ACVR1C: variants seen among roughly 807,000 people sequenced by gnomAD.
ACVR1C encodes the protein activin receptor type-1C.
Under a neutral mutation model 57.9 loss-of-function variants are expected in ACVR1C, and 23 were observed. The observed-to-expected ratio is 0.40, with a 90% CI of 0.29 to 0.56. The LOEUF (loss-of-function observed/expected upper bound fraction) is 0.56, where lower values mean the gene tolerates loss of function less well. Ranked by LOEUF, ACVR1C falls within the 20% of genes least tolerant of loss-of-function variation. The pLI is 0.50. For missense variants in ACVR1C, 480 were observed against 607.9 expected (o/e 0.79, Z 2.21); for synonymous variants, 214 against 215.3 (o/e 0.99, Z 0.05).
At chr2:157,598,683 G>C (rs1216799751) in intron 1 of ACVR1C, among the ~76,000 whole-genome samples, 1 of 151,780 alleles carries the variant, frequency 6.6e-6, no homozygotes, top group African/African-American at 2.4e-5. Context: ...GGGATTACAG[G>C]CGCTCACCAC....
chr2:157,590,915 T>A (rs1185039966), intron 1 of ACVR1C, among the ~76,000 whole-genome samples: 1 of 151,980 alleles, frequency 6.6e-6, no homozygotes, highest in Non-Finnish European at 1.5e-5. Context: ...TTTTCTTATA[T>A]GAAAGGCAGG....
intron 5 of ACVR1C, 138 bp from the exon 6 acceptor site, chr2:157,543,000 T>A: frequency 2.6e-6 from 2 of 757,424 alleles, no homozygotes; most frequent in Non-Finnish European, 4.2e-6. Context: ...CTAAATTATC[T>A]TGTTTATTTA....
At chr2:157,563,291 T>G (rs1393866239) in intron 2 of ACVR1C, among the ~76,000 whole-genome samples, 2 of 152,130 alleles carry the variant, frequency 1.3e-5, no homozygotes, top group Non-Finnish European at 2.9e-5. Context: ...AAAATCAATG[T>G]GCAAAAATCA....
intron 8 of ACVR1C, among the ~76,000 whole-genome samples, chr2:157,536,377 A>C (rs1687488464): frequency 6.6e-6 from 1 of 152,228 alleles, no homozygotes; most frequent in African/African-American, 2.4e-5. Flanking sequence ...GAAACTGCAG[A>C]ATGCTGAAGA....
At chr2:157,550,774 G>T (rs914927472) in intron 3 of ACVR1C, among the ~76,000 whole-genome samples, 2 of 148,644 alleles carry the variant, frequency 1.3e-5, no homozygotes, top group East Asian at 2.0e-4. Flanking sequence ...AAAATAAAAT[G>T]TATGGTTCCT....
At position 157,526,784 on chromosome 2, in the gene ACVR1C, T is replaced by C; in HGVS notation, c.*7134A>G. The C allele has an allele frequency of 6.6e-6, 1 of 152,296 alleles. No homozygotes were observed. The highest frequency in any genetic ancestry group is 1.5e-5 in the Non-Finnish European group (1 of 68,016). 9.4% of individuals were successfully genotyped at this position (152,296 alleles called of 1,614,324 possible). ...AACCAAAATACGACACATCTTCCTT[T>C]ATTTAAAATAGAGTTCTATATGCTT... is the stretch of plus-strand genomic sequence containing the variant. On this transcript the variant is annotated 3_prime_UTR_variant, in exon 9 of 9. Transcript: ENST00000243349.
chr2:157,540,777 T>C (rs908413992), intron 7 of ACVR1C, among the ~76,000 whole-genome samples: 15 of 152,208 alleles, frequency 9.9e-5, no homozygotes, highest in Admixed American at 9.8e-4. Flanking sequence ...TTTAACTTAT[T>C]TGGGATATAA....
At chr2:157,587,062 TCAAAAAGAGAACTGTAAA>T in intron 2 of ACVR1C, 107 bp downstream of exon 2, 2 of 914,770 alleles carry the variant, frequency 2.2e-6, no homozygotes, top group South Asian at 3.9e-5. Flanking sequence ...CCAGCCAAAA[TCAAAAAGAGAACTGTAAA>T]ACAGATTTTC....
intron 4 of ACVR1C, 110 bp downstream of exon 4, chr2:157,550,052 A>AG: frequency 1.6e-6 from 1 of 610,002 alleles, no homozygotes; most frequent in Non-Finnish European, 2.8e-6. Context: ...AAAAAAGAAG[A>AG]GGTGAATTTA....
At chr2:157,607,784 T>C (rs1283390314) in intron 1 of ACVR1C, among the ~76,000 whole-genome samples, 1 of 151,778 alleles carries the variant, frequency 6.6e-6, no homozygotes, top group Non-Finnish European at 1.5e-5. Context: ...ATATAAATGC[T>C]ACATATTTCT....
At chr2:157,606,824 C>T (rs1301443575) in intron 1 of ACVR1C, among the ~76,000 whole-genome samples, 9 of 151,754 alleles carry the variant, frequency 5.9e-5, no homozygotes, top group African/African-American at 1.7e-4. Flanking sequence ...AATATAGTCC[C>T]ATTTTTCTAT....
At chr2:157,558,304 C>T (rs1016446113) in intron 2 of ACVR1C, among the ~76,000 whole-genome samples, 3 of 152,156 alleles carry the variant, frequency 2.0e-5, no homozygotes, top group African/African-American at 4.8e-5. Context: ...GCAATGATAA[C>T]GGGCCTTGAT....
intron 2 of ACVR1C, among the ~76,000 whole-genome samples, chr2:157,572,255 T>C (rs868530534): frequency 3.8e-4 from 53 of 139,802 alleles, no homozygotes; most frequent in African/African-American, 1.3e-3. Context: ...TTGGGAGATA[T>C]ACCTAATGCT....
chr2:157,628,700 G>C lies in ACVR1C; in HGVS notation c.-56C>G, dbSNP rs988250663. 2.8e-6 allele frequency: 4 copies of C among 1,411,184 alleles called. No homozygotes were observed. The highest frequency in any genetic ancestry group is 3.7e-6 in the Non-Finnish European group (4 of 1,072,392). 87.4% of individuals were successfully genotyped at this position (1,411,184 alleles called of 1,614,324 possible). On this transcript the variant is annotated 5_prime_UTR_variant, in exon 1 of 9. Transcript: ENST00000243349. ...GGCCCCAGAGCAGAGCGAGGCAGCC[G>C]GGGCAGCACGGCCCGCTTTGAAGTT...
intron 1 of ACVR1C, among the ~76,000 whole-genome samples, chr2:157,601,707 C>A (rs1682286203): frequency 6.6e-6 from 1 of 152,200 alleles, no homozygotes; most frequent in Non-Finnish European, 1.5e-5. Context: ...AAAGATCCTG[C>A]ACTTTGGAAG....
intron 1 of ACVR1C, among the ~76,000 whole-genome samples, chr2:157,611,061 A>G (rs1682520921): frequency 1.3e-5 from 2 of 152,346 alleles, no homozygotes; most frequent in East Asian, 1.9e-4. Flanking sequence ...CTAGAGAATT[A>G]CGTTCCCTTG....
In ACVR1C at chr2:157,528,961, ATACAGGAAT is replaced by A. The variant is rs564677422; in HGVS notation, c.*4948_*4956del. On this transcript the variant is annotated 3_prime_UTR_variant, in exon 9 of 9. Transcript: ENST00000243349. ...GACAGGTTAAACGACAACTAAAGAA[ATACAGGAAT>A]TATAGAGTGACTTGGGATTGATGAG... 3 of 152,308 alleles carry A rather than the reference ATACAGGAAT, an allele frequency of 2.0e-5. No homozygotes were observed. The East Asian group carries it at 5.8e-4, about 29-fold the overall frequency. 9.4% of individuals were successfully genotyped at this position (152,308 alleles called of 1,614,324 possible). A position where few individuals can be genotyped will look rare whatever the true frequency, so the allele number is the denominator to read the frequency against.
intron 2 of ACVR1C, among the ~76,000 whole-genome samples, chr2:157,584,612 A>G (rs1688873439): frequency 6.6e-6 from 1 of 152,252 alleles, no homozygotes; most frequent in South Asian, 2.1e-4. Flanking sequence ...AAGAATATGT[A>G]CTAACTGAAA....
chr2:157,576,835 CTTTTTTTTTTTTTTTT>C (rs1166673398), intron 2 of ACVR1C, among the ~76,000 whole-genome samples: 2 of 41,718 alleles, frequency 4.8e-5, no homozygotes, highest in Admixed American at 2.4e-4. Context: ...TTGAAATTTT[CTTTTTTTTTTTTTTTT>C]TTTTTTTTTT....
Sources: gnomAD v4.1 joint callset for allele counts (sites outside exome capture counted in the v4.1 genomes callset) on GRCh38, gnomAD v4.1.1 for gene constraint, MANE v1.5 for transcripts, NCBI Gene and HGNC (gene_info 2026-07-23, HGNC 2026-07-21) for gene names.